COL21A1: variants seen among roughly 807,000 people sequenced by gnomAD.
The protein encoded by COL21A1 is collagen type XXI alpha 1 chain, also known as collagen alpha-1(XXI) chain.
COL21A1 carries 149 observed loss-of-function variants against 137.9 expected under a neutral mutation model. The ratio of observed to expected loss-of-function variants is 1.08; its 90% CI spans 0.95 to 1.24. The LOEUF (loss-of-function observed/expected upper bound fraction) is 1.24. Ranked by LOEUF, COL21A1 falls within the 50% of genes most tolerant of loss-of-function variation. The probability of loss-of-function intolerance (pLI) is 0.00; values close to 1 mark genes in which losing one functional copy is unlikely to be tolerated. For missense variants in COL21A1, 1,167 were observed against 1,158.4 expected (o/e 1.01, Z -0.11); for synonymous variants, 456 against 391.5 (o/e 1.16, Z -1.95).
chr6:56,195,332 T>C (rs1778948333), intron 1 of COL21A1, among the ~76,000 whole-genome samples: 1 of 152,166 alleles, frequency 6.6e-6, no homozygotes, highest in African/African-American at 2.4e-5. Flanking sequence ...TTGGTTGTTC[T>C]TTTCCCAAAA....
intron 17 of COL21A1, among the ~76,000 whole-genome samples, chr6:56,081,012 TC>T (rs1214993043): frequency 6.6e-6 from 1 of 151,808 alleles, no homozygotes; most frequent in Non-Finnish European, 1.5e-5. Context: ...AATCTCTGAA[TC>T]CCAGTTTTCT....
At chr6:56,195,266 A>G (rs1778945119) in intron 1 of COL21A1, among the ~76,000 whole-genome samples, 1 of 152,196 alleles carries the variant, frequency 6.6e-6, no homozygotes. Flanking sequence ...AGTGATGCTG[A>G]TTCTGCTGGT....
At chr6:56,071,999 T>A (rs1766797788) in intron 20 of COL21A1, among the ~76,000 whole-genome samples, 1 of 151,422 alleles carries the variant, frequency 6.6e-6, no homozygotes. Context: ...CAGGCCCCAG[T>A]GTGTGTTGTT....
intron 1 of COL21A1, among the ~76,000 whole-genome samples, chr6:56,221,719 A>G (rs1414849266): frequency 6.6e-6 from 1 of 152,114 alleles, no homozygotes; most frequent in Non-Finnish European, 1.5e-5. Flanking sequence ...TCTCTTTAAA[A>G]AATAAAAAAT....
At chr6:56,183,078 G>A (rs1778020702) in intron 1 of COL21A1, among the ~76,000 whole-genome samples, 1 of 152,138 alleles carries the variant, frequency 6.6e-6, no homozygotes, top group Non-Finnish European at 1.5e-5. Context: ...AGATACAGCT[G>A]ATGGAATTTA....
intron 1 of COL21A1, among the ~76,000 whole-genome samples, chr6:56,345,821 C>T (rs1765585018): frequency 6.6e-6 from 1 of 152,182 alleles, no homozygotes; most frequent in Admixed American, 6.5e-5. Flanking sequence ...AGAGGAGGCC[C>T]AGGGGCCTTC....
intron 16 of COL21A1, among the ~76,000 whole-genome samples, chr6:56,112,805 C>T (rs1483456434): frequency 2.0e-5 from 3 of 151,736 alleles, no homozygotes; most frequent in Non-Finnish European, 4.4e-5. Flanking sequence ...CTGCCTCAGC[C>T]TCCCAAGTAG....
At position 56,057,609 on chromosome 6, in the gene COL21A1, A is replaced by G. The variant is rs1239117047; in HGVS notation, c.*48T>C. On this transcript the variant is annotated 3_prime_UTR_variant, in exon 30 of 30. Coordinates refer to ENST00000244728, the MANE Select transcript of COL21A1 (RefSeq NM_030820.4). ...TGGTTATCTTCCTGAGATGCAAAAG[A>G]CCACAGAAAAAGCACCATGCCTAGG... is the stretch of plus-strand genomic sequence containing the variant. 1 of 1,568,292 alleles carries G rather than the reference A, an allele frequency of 6.4e-7. No homozygotes were observed.
intron 7 of COL21A1, among the ~76,000 whole-genome samples, chr6:56,165,919 C>CACACAT (rs1554149594): frequency 2.8e-5 from 4 of 144,676 alleles, no homozygotes; most frequent in African/African-American, 8.3e-5. Context: ...CACACACACA[C>CACACAT]ACACACACAC....
intron 1 of COL21A1, among the ~76,000 whole-genome samples, chr6:56,348,431 A>C (rs1461907681): frequency 6.6e-6 from 1 of 152,112 alleles, no homozygotes; most frequent in African/African-American, 2.4e-5. Context: ...TTTCCACATA[A>C]GCTACTGCAC....
intron 1 of COL21A1, among the ~76,000 whole-genome samples, chr6:56,188,702 C>T (rs575437874): frequency 7.2e-5 from 11 of 152,282 alleles, no homozygotes; most frequent in African/African-American, 2.4e-4. Context: ...CAGTAGGGAC[C>T]GACAGACACC....
At chr6:56,067,045 G>A (rs1441998625) in intron 23 of COL21A1, among the ~76,000 whole-genome samples, 1 of 150,084 alleles carries the variant, frequency 6.7e-6, no homozygotes, top group Non-Finnish European at 1.5e-5. Flanking sequence ...CATATTAGAA[G>A]TATATAATAA....
intron 1 of COL21A1, among the ~76,000 whole-genome samples, chr6:56,354,923 A>G (rs1765797863): frequency 6.6e-6 from 1 of 152,212 alleles, no homozygotes; most frequent in Admixed American, 6.6e-5. Context: ...TCTATGAAAA[A>G]AAGTAATCCT....
chr6:56,192,638 A>G (rs968439147), intron 1 of COL21A1, among the ~76,000 whole-genome samples: 1 of 152,232 alleles, frequency 6.6e-6, no homozygotes, highest in African/African-American at 2.4e-5. Context: ...ACAATGAGAT[A>G]CCATCTCATG....
At chr6:56,221,257 A>C (rs75770791) in intron 1 of COL21A1, among the ~76,000 whole-genome samples, 276 of 152,204 alleles carry the variant, frequency 1.8e-3, no homozygotes, top group African/African-American at 6.3e-3. Context: ...ATTAGAAATC[A>C]CTGATTTAGT....
intron 1 of COL21A1, among the ~76,000 whole-genome samples, chr6:56,371,237 A>G (rs1224955279): frequency 2.6e-5 from 4 of 152,206 alleles, no homozygotes; most frequent in African/African-American, 7.2e-5. Context: ...AGCATCTGCT[A>G]TTTATTCAGT....
At chr6:56,254,251 C>T (rs963676495) in intron 1 of COL21A1, among the ~76,000 whole-genome samples, 24 of 152,342 alleles carry the variant, frequency 1.6e-4, no homozygotes, top group African/African-American at 5.3e-4. Flanking sequence ...CTTACAGAAA[C>T]TCTTCGAGAG....
chr6:56,245,651 A>G (rs1320137534), intron 1 of COL21A1, among the ~76,000 whole-genome samples: 2 of 152,208 alleles, frequency 1.3e-5, no homozygotes, highest in African/African-American at 2.4e-5. Context: ...AGTACGCCCC[A>G]CATTTCACAG....
chr6:56,158,730 A>G (rs1775975431), intron 9 of COL21A1, among the ~76,000 whole-genome samples: 1 of 152,174 alleles, frequency 6.6e-6, no homozygotes, highest in Non-Finnish European at 1.5e-5. Context: ...AATGGAAAGA[A>G]CTAAGTGAAC....
Sources: allele counts gnomAD v4.1 joint callset (sites outside exome capture counted in the v4.1 genomes callset), GRCh38; gene constraint gnomAD v4.1.1; transcripts MANE v1.5; gene names NCBI Gene and HGNC (gene_info 2026-07-23, HGNC 2026-07-21).